Variants in SGCZ observed in about 807,000 individuals in gnomAD.
The protein encoded by SGCZ is zeta-sarcoglycan.
In SGCZ, 40 loss-of-function variants were observed where a neutral mutation model predicts 41.3. The ratio of observed to expected loss-of-function variants is 0.97; its 90% confidence interval spans 0.75 to 1.26. The LOEUF (loss-of-function observed/expected upper bound fraction) is 1.26, where lower values mean the gene tolerates loss of function less well. Among genes scored for constraint, SGCZ ranks in the 50% most tolerant of loss-of-function variants. The probability of loss-of-function intolerance (pLI) is 0.00; values close to 1 mark genes in which losing one functional copy is unlikely to be tolerated. For synonymous variants in SGCZ, 206 were observed against 137.5 expected (o/e 1.50, Z -3.49); for missense variants, 552 against 369.8 (o/e 1.49, Z -4.04).
At chr8:14,956,242 G>C (rs977876265) in intron 1 of SGCZ, among the ~76,000 whole-genome samples, 4 of 151,738 alleles carry the variant, frequency 2.6e-5, no homozygotes, top group African/African-American at 9.7e-5. Context: ...GTTTCACCCT[G>C]TTGGCCAGCA....
chr8:14,868,111 T>G (rs1172590962), intron 1 of SGCZ, among the ~76,000 whole-genome samples: 1 of 152,174 alleles, frequency 6.6e-6, no homozygotes, highest in East Asian at 1.9e-4. Context: ...GCCTCTGCGT[T>G]CGCTGTTCTC....
At chr8:14,526,131 T>C (rs948611594) in intron 2 of SGCZ, among the ~76,000 whole-genome samples, 5 of 152,132 alleles carry the variant, frequency 3.3e-5, no homozygotes, top group Admixed American at 6.6e-5. Context: ...AAAACAAATT[T>C]AAGCTAATTA....
chr8:15,128,797 T>C (rs768183577), intron 1 of SGCZ, among the ~76,000 whole-genome samples: 1 of 152,180 alleles, frequency 6.6e-6, no homozygotes, highest in Non-Finnish European at 1.5e-5. Context: ...AAATGACAAA[T>C]TGATCAATCA....
intron 1 of SGCZ, among the ~76,000 whole-genome samples, chr8:14,576,150 G>C (rs1328382383): frequency 6.6e-6 from 1 of 152,128 alleles, no homozygotes; most frequent in African/African-American, 2.4e-5. Context: ...TGTGAGATTT[G>C]TGCTTTAGGT....
intron 5 of SGCZ, among the ~76,000 whole-genome samples, chr8:14,148,263 G>T (rs1278828055): frequency 1.3e-5 from 2 of 151,712 alleles, no homozygotes; most frequent in Non-Finnish European, 2.9e-5. Flanking sequence ...AAAACAAAAA[G>T]TTGGCTTTTA....
At chr8:14,320,399 T>A (rs901131259) in intron 3 of SGCZ, among the ~76,000 whole-genome samples, 2 of 151,610 alleles carry the variant, frequency 1.3e-5, no homozygotes, top group Non-Finnish European at 2.9e-5. Flanking sequence ...ACATTTGCTG[T>A]GCTCGCCTGG....
At chr8:15,053,983 A>G (rs1804614407) in intron 1 of SGCZ, among the ~76,000 whole-genome samples, 1 of 152,166 alleles carries the variant, frequency 6.6e-6, no homozygotes, top group Non-Finnish European at 1.5e-5. Context: ...TTTTGGATCT[A>G]AGGTATGAAA....
At chr8:14,365,231 A>T (rs1439741293) in intron 2 of SGCZ, among the ~76,000 whole-genome samples, 1 of 152,064 alleles carries the variant, frequency 6.6e-6, no homozygotes, top group Non-Finnish European at 1.5e-5. Context: ...CATTTTAAAA[A>T]TGCATTTATT....
intron 1 of SGCZ, among the ~76,000 whole-genome samples, chr8:15,218,296 T>C (rs1244175060): frequency 6.6e-6 from 1 of 152,160 alleles, no homozygotes; most frequent in Non-Finnish European, 1.5e-5. Flanking sequence ...AAGAGCCTAT[T>C]GCCCTATTAT....
chr8:14,481,506 G>T (rs1801534005), intron 2 of SGCZ, among the ~76,000 whole-genome samples: 1 of 152,086 alleles, frequency 6.6e-6, no homozygotes, highest in African/African-American at 2.4e-5. Context: ...CAATAAATTT[G>T]ACCAAACATT....
At chr8:14,376,772 G>A (rs905970620) in intron 2 of SGCZ, among the ~76,000 whole-genome samples, 5 of 152,062 alleles carry the variant, frequency 3.3e-5, no homozygotes, top group East Asian at 1.9e-4. Flanking sequence ...CATGTCAAAT[G>A]TCCTAGATAA....
chr8:14,303,834 C>A (rs1022827499), intron 3 of SGCZ, among the ~76,000 whole-genome samples: 1 of 152,058 alleles, frequency 6.6e-6, no homozygotes, highest in African/African-American at 2.4e-5. Context: ...TCACTGCAAC[C>A]TCCATTCCCT....
chr8:14,454,217 T>C (rs1563339955), intron 2 of SGCZ, among the ~76,000 whole-genome samples: 1 of 152,148 alleles, frequency 6.6e-6, no homozygotes, highest in South Asian at 2.1e-4. Flanking sequence ...AGAAGGTTGA[T>C]TGGTCTGCTT....
intron 1 of SGCZ, among the ~76,000 whole-genome samples, chr8:14,583,914 T>C (rs1804975767): frequency 6.6e-6 from 1 of 152,182 alleles, no homozygotes; most frequent in Non-Finnish European, 1.5e-5. Flanking sequence ...TTTTGAGGTA[T>C]GCAATTATGT....
At chr8:14,974,144 A>C (rs990944876) in intron 1 of SGCZ, among the ~76,000 whole-genome samples, 3 of 152,184 alleles carry the variant, frequency 2.0e-5, no homozygotes, top group Non-Finnish European at 4.4e-5. Context: ...TAATTGTTGG[A>C]GTCATGATTT....
intron 1 of SGCZ, among the ~76,000 whole-genome samples, chr8:15,024,193 A>G (rs1803362523): frequency 6.6e-6 from 1 of 152,198 alleles, no homozygotes; most frequent in African/African-American, 2.4e-5. Context: ...CAGGCACCAT[A>G]AACAAATACA....
chr8:15,146,102 G>C (rs1799028975), intron 1 of SGCZ, among the ~76,000 whole-genome samples: 1 of 151,570 alleles, frequency 6.6e-6, no homozygotes, highest in African/African-American at 2.4e-5. Flanking sequence ...TCATAAATCT[G>C]AGCAATTTGA....
intron 1 of SGCZ, among the ~76,000 whole-genome samples, chr8:14,672,110 G>A (rs979245626): frequency 3.9e-5 from 6 of 152,078 alleles, no homozygotes; most frequent in African/African-American, 9.6e-5. Context: ...TAAATAATGC[G>A]GGAATTTAAA....
intron 2 of SGCZ, among the ~76,000 whole-genome samples, chr8:14,424,683 A>G (rs1799729206): frequency 6.6e-6 from 1 of 152,196 alleles, no homozygotes. Flanking sequence ...CATTTAACCA[A>G]TCATCTGTTA....
Sources: allele counts gnomAD v4.1 joint callset (sites outside exome capture counted in the v4.1 genomes callset), GRCh38; gene constraint gnomAD v4.1.1; transcripts MANE v1.5; gene names NCBI Gene and HGNC (gene_info 2026-07-23, HGNC 2026-07-21).